Variants in DDX3X observed in about 807,000 individuals in gnomAD.
DDX3X encodes the protein DEAD-box helicase 3 X-linked, also known as ATP-dependent RNA helicase DDX3X.
In DDX3X, 4 loss-of-function variants were observed where a neutral mutation model predicts 52.7. That is an observed-to-expected ratio of 0.08 (90% CI 0.04 to 0.17). DDX3X has a LOEUF of 0.17. Ranked by LOEUF, DDX3X falls within the 10% of genes least tolerant of loss-of-function variation. The pLI, the probability that DDX3X is intolerant of heterozygous loss-of-function variation, is 1.00. For missense variants in DDX3X, 222 were observed against 548.6 expected (o/e 0.40, Z 5.95); for synonymous variants, 192 against 178.1 (o/e 1.08, Z -0.62).
At chrX:41,339,860 A>G (rs898648787) in intron 3 of DDX3X, 1 of 109,197 alleles carries the variant, frequency 9.2e-6, no homozygotes, top group African/African-American at 3.4e-5. Flanking sequence ...TGTCCTGGCA[A>G]TGCATGGATA....
intron 1 of DDX3X, chrX:41,335,599 T>G (rs2063754836): frequency 2.7e-5 from 3 of 111,984 alleles, no homozygotes; most frequent in African/African-American, 9.7e-5. Flanking sequence ...TACTGTCTAC[T>G]GTGATTAGGG....
rs951204071 is a variant in DDX3X at position 41,347,213 on chromosome X, G to C, written c.1770-99G>C. 5 of 1,031,868 alleles carry C rather than the reference G, an allele frequency of 4.8e-6. No homozygotes were observed. In the African/African-American group the frequency reaches 7.6e-5, roughly 16 times the overall value. The allele number at this position is 1,031,868 out of a possible 1,213,427, so 85.0% of individuals were successfully genotyped here. A position where few individuals can be genotyped will look rare whatever the true frequency, so the allele number is the denominator to read the frequency against. The stretch of plus-strand genomic sequence containing the variant: ...GGAAAATATGGCTGGATGGGGAATT[G>C]TTTGAATGGAAAAATTAGAAATTGG... On this transcript the variant is annotated intron_variant, in intron 15 of 16. Transcript: ENST00000644876.
At chrX:41,340,519 C>T (rs937401523) in intron 3 of DDX3X, 1 of 207,329 alleles carries the variant, frequency 4.8e-6, no homozygotes, top group Admixed American at 7.4e-5. Flanking sequence ...AAACCCTCTA[C>T]CTGTCTTTGG....
downstream of DDX3X, among the ~76,000 whole-genome samples, chrX:41,352,206 G>A (rs1358061548): frequency 9.0e-6 from 1 of 111,459 alleles, no homozygotes; most frequent in Non-Finnish European, 1.9e-5. Context: ...GGGTCATTAG[G>A]TAGGCCTATC....
chrX:41,337,587 G>A lies in DDX3X; in HGVS notation c.103+122G>A, dbSNP rs1409382486. On this transcript the variant is annotated intron_variant, in intron 2 of 16. Transcript: ENST00000644876. ...TTTTTACTGCTTAAAGAATTATGTA[G>A]TCTTTGTGTTATAGAATTATGTAGT... 10 of 510,783 alleles carry A rather than the reference G, an allele frequency of 2.0e-5. No individual in the cohort carries two copies. In the African/African-American group the frequency reaches 2.4e-4, roughly 12 times the overall value. The allele number at this position is 510,783 out of a possible 1,213,427, so 42.1% of individuals were successfully genotyped here. A position where few individuals can be genotyped will look rare whatever the true frequency, so the allele number is the denominator to read the frequency against.
At chrX:41,360,101 G>A (rs1336600850) in intron 5 of DDX3X, among the ~76,000 whole-genome samples, 1 of 110,958 alleles carries the variant, frequency 9.0e-6, no homozygotes, top group Non-Finnish European at 1.9e-5. Context: ...TTTCCGGCTG[G>A]GCATGGTGGC....
intron 16 of DDX3X, 87 bp from the exon 17 acceptor site, chrX:41,347,553 A>G: frequency 7.1e-6 from 8 of 1,132,679 alleles, no homozygotes; most frequent in Non-Finnish European, 9.6e-6. Context: ...CACTATAGAA[A>G]CTTGATGGCA....
chrX:41,350,885 CAAAT>C (rs2063979888), downstream of DDX3X: 1 of 111,997 alleles, frequency 8.9e-6, no homozygotes, highest in Non-Finnish European at 1.9e-5. Context: ...TTCAATCTAA[CAAAT>C]ACGTATTCAG....
At chrX:41,343,149 T>C (rs1049962341) in intron 6 of DDX3X, 67 bp from the exon 7 acceptor site, 6 of 1,115,174 alleles carry the variant, frequency 5.4e-6, no homozygotes, top group Non-Finnish European at 7.2e-6. Context: ...GTTGGTTGTT[T>C]CCATTATTAG....
chrX:41,353,258 C>T (rs1289002507), downstream of DDX3X, among the ~76,000 whole-genome samples: 1 of 97,040 alleles, frequency 1.0e-5, no homozygotes, highest in Non-Finnish European at 2.0e-5. Flanking sequence ...TCGAGACCAT[C>T]CTGGCTAACA....
At chrX:41,362,670 T>C (rs2064033999) in intron 5 of DDX3X, among the ~76,000 whole-genome samples, 1 of 112,065 alleles carries the variant, frequency 8.9e-6, no homozygotes, top group Admixed American at 9.6e-5. Context: ...ACTACTCTAA[T>C]TATAAAGTTC....
chrX:41,346,663 G>A, intron 14 of DDX3X, 41 bp downstream of exon 14: 1 of 1,065,279 alleles, frequency 9.4e-7, no homozygotes, highest in Non-Finnish European at 1.3e-6. Context: ...GTTTTTTGCT[G>A]TGATGTGTGC....
chrX:41,343,158 A>G, intron 6 of DDX3X, 58 bp from the exon 7 acceptor site: 1 of 1,134,860 alleles, frequency 8.8e-7, no homozygotes, highest in Non-Finnish European at 1.2e-6. Context: ...TTCCATTATT[A>G]GTATAAAACA....
chrX:41,361,025 T>C lies in DDX3X; in HGVS notation c.655-3249T>C, dbSNP rs182115880. On this transcript the variant is annotated intron_variant, in intron 5 of 5. Coordinates refer to the DDX3X transcript ENST00000616050. ...TCCCAAACTGTTGGAATTACAGGCA[T>C]GAGCCACGGTGCTTGGCCCAATATC... 2.9e-3 allele frequency among the ~76,000 whole-genome samples: 313 copies of C among 108,710 alleles called. 2 individuals are homozygous for C. The highest frequency in any genetic ancestry group is 4.1e-3 in the Non-Finnish European group (215 of 52,523). The allele number at this position is 108,710 out of a possible 115,157, so 94.4% of individuals were successfully genotyped here.
At chrX:41,350,794 T>G (rs1278687051), downstream of DDX3X, 1 of 111,950 alleles carries the variant, frequency 8.9e-6, no homozygotes, top group Non-Finnish European at 1.9e-5. Flanking sequence ...CTATGCTTAC[T>G]GTACACACTG....
chrX:41,355,304 A>G (rs2064004130), intron 5 of DDX3X, among the ~76,000 whole-genome samples: 1 of 111,563 alleles, frequency 9.0e-6, no homozygotes, highest in Non-Finnish European at 1.9e-5. Flanking sequence ...TGTGGCATAA[A>G]TGCCCAGGAG....
At chrX:41,341,820 A>G (rs951531276) in intron 4 of DDX3X, 13 of 364,259 alleles carry the variant, frequency 3.6e-5, no homozygotes, top group Non-Finnish European at 6.1e-5. Context: ...GAAATGAGTT[A>G]TTCTATTTCT....
intron 5 of DDX3X, 21 bp from the exon 6 acceptor site, chrX:41,342,716 T>C: frequency 8.3e-7 from 1 of 1,206,237 alleles, no homozygotes; most frequent in Non-Finnish European, 1.1e-6. Flanking sequence ...ACAAATGAAC[T>C]TATCCATTTT....
chrX:41,338,148 G>A (rs1280552215), intron 2 of DDX3X: 1 of 110,526 alleles, frequency 9.0e-6, no homozygotes, highest in Non-Finnish European at 1.9e-5. Flanking sequence ...AGAGGTTAGT[G>A]TTAAGATAGG....
Sources: allele counts gnomAD v4.1 joint callset (sites outside exome capture counted in the v4.1 genomes callset), GRCh38; gene constraint gnomAD v4.1.1; transcripts MANE v1.5; gene names NCBI Gene and HGNC (gene_info 2026-07-23, HGNC 2026-07-21).